Variants in MAP4 observed in about 807,000 individuals in gnomAD.
MAP4 encodes microtubule associated protein 4.
Under a neutral mutation model 170.2 loss-of-function variants are expected in MAP4, and 76 were observed. That is an observed-to-expected ratio of 0.45 (90% CI 0.37 to 0.54). The LOEUF (loss-of-function observed/expected upper bound fraction) is 0.54, where lower values mean the gene tolerates loss of function less well. Ranked by LOEUF, MAP4 falls within the 20% of genes least tolerant of loss-of-function variation. MAP4 has a pLI of 0.00. For missense variants in MAP4, 2,506 were observed against 2,748.0 expected (o/e 0.91, Z 1.97); for synonymous variants, 909 against 994.5 (o/e 0.91, Z 1.62).
At chr3:47,892,020 T>C (rs1166392051) in intron 10 of MAP4, 1 of 1,536,312 alleles carries the variant, frequency 6.5e-7, no homozygotes, top group Non-Finnish European at 8.7e-7. Flanking sequence ...GACTGGCTCT[T>C]GGTCTCTAGT....
intron 1 of MAP4, among the ~76,000 whole-genome samples, chr3:48,040,040 C>T (rs1579466915): frequency 6.6e-6 from 1 of 152,106 alleles, no homozygotes; most frequent in East Asian, 1.9e-4. Context: ...GAAAACCAGT[C>T]ACATTGACTA....
chr3:47,897,666 T>C (rs1264162642), intron 10 of MAP4, among the ~76,000 whole-genome samples: 1 of 151,660 alleles, frequency 6.6e-6, no homozygotes, highest in Non-Finnish European at 1.5e-5. Context: ...AGGCCGGGAG[T>C]AGTGGCTCAT....
At position 47,956,665 on chromosome 3, in the gene MAP4, T is replaced by C. The variant is rs183255622; in HGVS notation, c.292+21200A>G. 2.0e-3 allele frequency among the ~76,000 whole-genome samples: 304 copies of C among 152,356 alleles called. 3 individuals are homozygous for C. Among genetic ancestry groups the C allele is most frequent in the African/African-American group, 6.8e-3 (281 of 41,578 alleles). Reference sequence around the variant, plus strand: ...TCAGAACAGGCACAGACTGTGAAGATATTTGTGTCCCATGTGAATAATCAT... The same window carrying C: ...TCAGAACAGGCACAGACTGTGAAGACATTTGTGTCCCATGTGAATAATCAT... On this transcript the variant is annotated intron_variant, in intron 3 of 20. Transcript: ENST00000683076.
chr3:47,961,916 C>T (rs1418126991), intron 3 of MAP4, among the ~76,000 whole-genome samples: 2 of 152,198 alleles, frequency 1.3e-5, no homozygotes, highest in African/African-American at 4.8e-5. Context: ...ACCAGCAGGA[C>T]TTAATTTCCT....
intron 9 of MAP4, among the ~76,000 whole-genome samples, chr3:47,903,567 G>C (rs1398549377): frequency 6.7e-6 from 1 of 150,238 alleles, no homozygotes; most frequent in Admixed American, 6.6e-5. Context: ...TTTCTGAAAA[G>C]TTGAGCTTAG....
Position 47,911,365 on chromosome 3 carries a change from T to G in MAP4, c.3056A>C (p.Glu1019Ala). The G allele has an allele frequency of 1.4e-5, 21 of 1,536,006 alleles. No homozygotes were observed. Among genetic ancestry groups the G allele is most frequent in the Non-Finnish European group, 1.8e-5 (21 of 1,146,896 alleles). Residue 1019 changes from glutamate to alanine, a missense_variant, in exon 9 of 21, where the codon GAA (glutamate) becomes GCA (alanine). By Grantham distance (107) the Glu-to-Ala change is moderately radical (BLOSUM62 -1). Around this residue, in one of 3 missense-constraint regions of MAP4, gnomAD observed 2,008 missense variants for 2,206.0 expected, o/e 0.91. Coordinates refer to ENST00000683076, the MANE Select transcript of MAP4 (RefSeq NM_001385682.1). The surrounding 1 kb of genome is among the most constrained non-coding windows in gnomAD (Gnocchi z 4.0). Reference sequence around the variant, plus strand: ...CTCTTGTCTTTCGTTGGGAAAAGCTTCCTTTTTTAGTTCTTTATCCTCTTC... The same window carrying G: ...CTCTTGTCTTTCGTTGGGAAAAGCTGCCTTTTTTAGTTCTTTATCCTCTTC... Reference protein sequence around the residue: ...GAEEDKELKKEAFPNERQEIS... With the variant: ...GAEEDKELKKAAFPNERQEIS...
At chr3:48,033,961 T>C (rs548381974) in intron 1 of MAP4, among the ~76,000 whole-genome samples, 17 of 152,208 alleles carry the variant, frequency 1.1e-4, no homozygotes, top group Non-Finnish European at 1.9e-4. Context: ...CAATTTTCAG[T>C]TAATTAATCA....
At chr3:47,954,798 G>C (rs2100066683) in intron 3 of MAP4, among the ~76,000 whole-genome samples, 2 of 152,184 alleles carry the variant, frequency 1.3e-5, no homozygotes, top group African/African-American at 4.8e-5. Context: ...CCTCACAGTG[G>C]ACCCCATAGT....
chr3:48,060,411 CAT>C (rs1023561974), intron 1 of MAP4, among the ~76,000 whole-genome samples: 7 of 151,890 alleles, frequency 4.6e-5, no homozygotes, highest in Admixed American at 6.6e-5. Flanking sequence ...TAGAGGATAA[CAT>C]AGAAGAAAAT....
chr3:47,975,339 C>T (rs1023950302), intron 3 of MAP4: 11 of 1,544,220 alleles, frequency 7.1e-6, no homozygotes, highest in Non-Finnish European at 7.9e-6. Flanking sequence ...GTTTCTTCTA[C>T]ATCATGTCCA....
intron 8 of MAP4, among the ~76,000 whole-genome samples, chr3:47,912,893 T>G (rs1203395399): frequency 1.3e-5 from 2 of 152,148 alleles, no homozygotes; most frequent in Non-Finnish European, 2.9e-5. Context: ...TCACCAATAT[T>G]AAACTAATAC....
At chr3:48,026,193 C>A (rs992208335) in intron 1 of MAP4, among the ~76,000 whole-genome samples, 2 of 152,146 alleles carry the variant, frequency 1.3e-5, no homozygotes, top group South Asian at 2.1e-4. Context: ...ATAAATCCTG[C>A]TTGCCTATTA....
chr3:48,006,448 G>A (rs943866190), intron 1 of MAP4, among the ~76,000 whole-genome samples: 7 of 152,096 alleles, frequency 4.6e-5, no homozygotes, highest in Non-Finnish European at 7.3e-5. Context: ...TTTAGCTTAG[G>A]TCTGACTTAC....
intron 1 of MAP4, among the ~76,000 whole-genome samples, chr3:48,034,389 C>G (rs1292747466): frequency 2.0e-5 from 3 of 152,190 alleles, no homozygotes; most frequent in South Asian, 2.1e-4. Flanking sequence ...AAAAACAGCT[C>G]ACACATTGAC....
intron 2 of MAP4, among the ~76,000 whole-genome samples, chr3:47,988,681 A>G (rs185471280): frequency 1.3e-5 from 2 of 152,062 alleles, no homozygotes; most frequent in Non-Finnish European, 2.9e-5. Context: ...TTTCCTGAAC[A>G]TACATCTAAT....
rs566759904 is a variant in MAP4 at position 48,001,669 on chromosome 3, T to A, written c.-19-2790A>T. On this transcript the variant is annotated intron_variant, in intron 1 of 20. Transcript: ENST00000683076. ...TACGCACCGCCACACCCAGCTAATTTTTGCATTTTTAGTAGAGACAGGGTG... is the reference window on the plus strand; with the variant it reads ...TACGCACCGCCACACCCAGCTAATTATTGCATTTTTAGTAGAGACAGGGTG... 8.6e-5 allele frequency among the ~76,000 whole-genome samples: 13 copies of A among 151,798 alleles called. No homozygotes were observed. In the South Asian group the frequency reaches 2.7e-3, roughly 32 times the overall value.
rs562681676 is a variant in MAP4 at position 47,967,158 on chromosome 3, G to A, written c.292+10707C>T. Reference sequence around the variant, plus strand: ...TTGAGACCAGCCTGACCAACATGGAGAAACCCCATCTCTACTAAAAATACA... The same window carrying A: ...TTGAGACCAGCCTGACCAACATGGAAAAACCCCATCTCTACTAAAAATACA... On this transcript the variant is annotated intron_variant, in intron 3 of 20. Transcript: ENST00000683076. 3.9e-4 allele frequency among the ~76,000 whole-genome samples: 59 copies of A among 149,986 alleles called. 1 individual carries two copies. Among genetic ancestry groups the A allele is most frequent in the African/African-American group, 1.4e-3 (58 of 40,702 alleles).
In MAP4 at chr3:47,916,060, A is replaced by G. The variant is rs770011059; in HGVS notation, c.1767T>C (p.Ile589=). 2.3e-5 allele frequency: 37 copies of G among 1,614,070 alleles called. No individual in the cohort carries two copies. The Admixed American group carries it at 6.2e-4, about 27-fold the overall frequency. ...LSETEATPVP[I]KDMEIAQTQK... is the part of the protein sequence containing the mutation. ...GTGTTTGTGCAATTTCCATGTCTTT[A>G]ATTGGAACTGGTGTTGCCTCTGTTT... The change falls in exon 7 of 21, where the codon ATT becomes ATC. Residue 589 remains isoleucine (I), a synonymous_variant. Coordinates refer to ENST00000683076, the MANE Select transcript of MAP4 (RefSeq NM_001385682.1).
chr3:48,087,700 C>A (rs1311295287), intron 1 of MAP4, among the ~76,000 whole-genome samples: 1 of 151,348 alleles, frequency 6.6e-6, no homozygotes, highest in South Asian at 2.1e-4. Context: ...GAGACGCGCG[C>A]GCGCGCACAC....
Sources: gnomAD v4.1 joint callset for allele counts (sites outside exome capture counted in the v4.1 genomes callset) on GRCh38, gnomAD v4.1.1 for gene constraint, gnomAD v4.1.1 regional missense constraint, Gnocchi (gnomAD v3.1) non-coding constraint, MANE v1.5 for transcripts, NCBI Gene and HGNC (gene_info 2026-07-23, HGNC 2026-07-21) for gene names.